The following AKT3 variants were observed in gnomAD, a reference collection of about 807,000 sequenced individuals.
The protein encoded by AKT3 is RAC-gamma serine/threonine-protein kinase.
Under a neutral mutation model 65.3 loss-of-function variants are expected in AKT3, and 15 were observed. The ratio of observed to expected loss-of-function variants is 0.23; its 90% CI spans 0.15 to 0.35. The LOEUF is 0.35. AKT3 is among the 10% of genes least tolerant of loss of function. AKT3 has a pLI of 1.00. For missense variants in AKT3, 243 were observed against 576.5 expected, an observed-to-expected ratio of 0.42 and a Z score of 5.92; for synonymous variants, 206 against 183.8, an observed-to-expected ratio of 1.12 and a Z score of -0.98.
chr1:243,794,340 TTTC>T (rs769651964), intron 2 of AKT3: 3 of 152,218 alleles, frequency 2.0e-5, no homozygotes, highest in Non-Finnish European at 4.4e-5. Context: ...CCAGCTAGTG[TTTC>T]TTCATTAAAA....
In AKT3 at chr1:243,849,799, G is replaced by C. The variant is rs532698743; in HGVS notation, c.-113+241C>G. 2.2e-4 allele frequency among the ~76,000 whole-genome samples: 33 copies of C among 151,904 alleles called. No individual in the cohort carries two copies. In the South Asian group the frequency reaches 6.4e-3, roughly 30 times the overall value. On this transcript the variant is annotated intron_variant, in intron 1 of 13. Transcript: ENST00000673466. ...GCCCCCCAGCTTTCCCCGGAAAGCG[G>C]GGGGTGTCGGTGTCAACCGCGCTGG...
chr1:243,517,088 CT>C (rs2148376198), intron 12 of AKT3, among the ~76,000 whole-genome samples: 1 of 152,174 alleles, frequency 6.6e-6, no homozygotes, highest in East Asian at 1.9e-4. Flanking sequence ...TTGATTTCTT[CT>C]TTGATCCATG....
chr1:243,712,168 AATATGG>A (rs1349802485), intron 2 of AKT3, among the ~76,000 whole-genome samples: 1 of 152,208 alleles, frequency 6.6e-6, no homozygotes. Flanking sequence ...CCTACACACA[AATATGG>A]ATATATTCAC....
At chr1:243,550,192 C>T (rs1672948891) in intron 11 of AKT3, among the ~76,000 whole-genome samples, 1 of 152,188 alleles carries the variant, frequency 6.6e-6, no homozygotes, top group African/African-American at 2.4e-5. Context: ...ATTCTATGAA[C>T]ATCTAGAGCA....
intron 5 of AKT3, among the ~76,000 whole-genome samples, chr1:243,640,488 A>G (rs1215561823): frequency 4.6e-5 from 7 of 152,230 alleles, no homozygotes; most frequent in African/African-American, 1.7e-4. Context: ...AAAGCCTTTA[A>G]GCCTGGCAGT....
intron 2 of AKT3, among the ~76,000 whole-genome samples, chr1:243,768,029 G>C (rs1247778153): frequency 6.6e-6 from 1 of 151,442 alleles, no homozygotes; most frequent in East Asian, 1.9e-4. Flanking sequence ...ACAAACTCTA[G>C]AATTTAGTTC....
chr1:243,829,445 G>A (rs760312654), intron 2 of AKT3, among the ~76,000 whole-genome samples: 11 of 151,922 alleles, frequency 7.2e-5, no homozygotes, highest in East Asian at 3.9e-4. Flanking sequence ...AAAATATACC[G>A]TAACATTAAA....
rs145850987 is a variant in AKT3, at chr1:243,657,663, C to T, written c.284+7109G>A. ...AAAAATCCTAAAATTCGTATGGAAA[C>T]CATAAAGAATCCCAAACAGCTGAAA... On this transcript the variant is annotated intron_variant, in intron 4 of 13. Coordinates refer to ENST00000673466, the MANE Select transcript of AKT3 (RefSeq NM_005465.7). Among the ~76,000 whole-genome samples the T allele has an allele frequency of 1.8e-3, 270 of 152,044 alleles. 1 individual carries two copies. The highest frequency in any genetic ancestry group is 3.1e-3 in the Non-Finnish European group (209 of 67,962).
At chr1:243,609,478 C>T (rs1677703889) in intron 8 of AKT3, among the ~76,000 whole-genome samples, 1 of 151,822 alleles carries the variant, frequency 6.6e-6, no homozygotes, top group Non-Finnish European at 1.5e-5. Flanking sequence ...GCCAACATGG[C>T]CAAACCCCGT....
chr1:243,532,499 A>G (rs1671608041), intron 12 of AKT3, among the ~76,000 whole-genome samples: 1 of 152,196 alleles, frequency 6.6e-6, no homozygotes, highest in Non-Finnish European at 1.5e-5. Context: ...GCATTCCTGG[A>G]ATAAATCTAC....
intron 2 of AKT3, among the ~76,000 whole-genome samples, chr1:243,758,797 T>G (rs1689304046): frequency 1.3e-5 from 2 of 152,106 alleles, no homozygotes; most frequent in Non-Finnish European, 1.5e-5. Context: ...GAGGCGGAGC[T>G]TAGGTGGTAA....
Position 243,529,446 on chromosome 1 carries a change from T to C in AKT3, c.1251+16064A>G, listed in dbSNP as rs563069811. Among the ~76,000 whole-genome samples the C allele has an allele frequency of 5.3e-5, 8 of 152,342 alleles. No individual in the cohort carries two copies. In the South Asian group the frequency reaches 1.7e-3, roughly 32 times the overall value. On this transcript the variant is annotated intron_variant, in intron 12 of 13. Transcript: ENST00000673466. The stretch of plus-strand genomic sequence containing the variant: ...TTAGGTTTTACATTTAAGTCTTTAA[T>C]CTATCTCGAGTTGATTTTTGTATAT...
chr1:243,525,111 T>C (rs1670961102), intron 12 of AKT3, among the ~76,000 whole-genome samples: 1 of 152,124 alleles, frequency 6.6e-6, no homozygotes, highest in South Asian at 2.1e-4. Flanking sequence ...AATCTCAGTA[T>C]AAAGTCTGCC....
At chr1:243,518,853 A>G (rs1464803054) in intron 12 of AKT3, among the ~76,000 whole-genome samples, 1 of 152,218 alleles carries the variant, frequency 6.6e-6, no homozygotes, top group Non-Finnish European at 1.5e-5. Context: ...ACTGTACAGG[A>G]TCAAGTTTGA....
chr1:243,653,731 C>T (rs1681552349), intron 4 of AKT3, among the ~76,000 whole-genome samples: 1 of 152,142 alleles, frequency 6.6e-6, no homozygotes, highest in South Asian at 2.1e-4. Flanking sequence ...ATTTTTATCC[C>T]TTTAATTCTG....
At chr1:243,525,982 A>G (rs1671044007) in intron 12 of AKT3, among the ~76,000 whole-genome samples, 2 of 151,398 alleles carry the variant, frequency 1.3e-5, no homozygotes, top group Non-Finnish European at 2.9e-5. Context: ...TCACCTAAAC[A>G]CATTATAGTC....
At chr1:243,835,530 G>T (rs1694842791) in intron 2 of AKT3, among the ~76,000 whole-genome samples, 1 of 152,016 alleles carries the variant, frequency 6.6e-6, no homozygotes, top group African/African-American at 2.4e-5. Flanking sequence ...TGACAGAACT[G>T]TTTATCAAAG....
chr1:243,805,472 C>T (rs910890414), intron 2 of AKT3, among the ~76,000 whole-genome samples: 1 of 152,192 alleles, frequency 6.6e-6, no homozygotes, highest in Admixed American at 6.5e-5. Flanking sequence ...TATTGCTCTC[C>T]TACTTTTCAC....
intron 3 of AKT3, among the ~76,000 whole-genome samples, chr1:243,692,675 T>C (rs1403859439): frequency 2.0e-5 from 3 of 151,874 alleles, no homozygotes; most frequent in African/African-American, 7.3e-5. Flanking sequence ...AAGGCGGAGG[T>C]TGCAGTGAGC....
Sources: gnomAD v4.1 joint callset for allele counts (sites outside exome capture counted in the v4.1 genomes callset) on GRCh38, gnomAD v4.1.1 for gene constraint, MANE v1.5 for transcripts, NCBI Gene and HGNC (gene_info 2026-07-23, HGNC 2026-07-21) for gene names.